LAMB1: variants seen among roughly 807,000 people sequenced by gnomAD.
The protein encoded by LAMB1 is laminin subunit beta 1.
A neutral mutation model predicts 222.3 loss-of-function variants in LAMB1; 121 were observed. That is an observed-to-expected ratio of 0.54 (90% CI 0.47 to 0.63). The LOEUF is 0.63. Among genes scored for constraint, LAMB1 ranks in the 30% least tolerant of loss-of-function variants. LAMB1 has a pLI of 0.00. For synonymous variants in LAMB1, 794 were observed against 807.2 expected (o/e 0.98, Z 0.28); for missense variants, 2,172 against 2,240.8 (o/e 0.97, Z 0.62).
intron 7 of LAMB1, among the ~76,000 whole-genome samples, chr7:107,984,298 G>C (rs2034031151): frequency 6.6e-6 from 1 of 152,042 alleles, no homozygotes; most frequent in Non-Finnish European, 1.5e-5. Flanking sequence ...ACCCAGGCTG[G>C]AGTGCAGTGG....
At chr7:107,962,033 A>C (rs1436237759) in intron 15 of LAMB1, among the ~76,000 whole-genome samples, 3 of 152,126 alleles carry the variant, frequency 2.0e-5, no homozygotes, top group Non-Finnish European at 4.4e-5. Context: ...ATCTCCAACC[A>C]TATCTCTCAT....
intron 25 of LAMB1, among the ~76,000 whole-genome samples, chr7:107,937,619 A>G (rs767014630): frequency 2.0e-5 from 3 of 152,162 alleles, no homozygotes; most frequent in Non-Finnish European, 4.4e-5. Flanking sequence ...AGCCCTTACA[A>G]TTGTGAAAAC....
chr7:107,942,628 A>G (rs2033018244), intron 24 of LAMB1: 2 of 152,232 alleles, frequency 1.3e-5, no homozygotes, highest in African/African-American at 4.8e-5. Context: ...ATCTGTAAGA[A>G]GAGGTAATGA....
chr7:107,983,544 G>GC (rs1220632825), intron 7 of LAMB1, among the ~76,000 whole-genome samples: 102 of 141,214 alleles, frequency 7.2e-4, no homozygotes, highest in African/African-American at 2.0e-3. Flanking sequence ...TGACTCCAAA[G>GC]CCCTTTTTTT....
At chr7:107,931,583 AT>A in intron 28 of LAMB1, 83 bp from the exon 29 acceptor site, 1 of 1,294,682 alleles carries the variant, frequency 7.7e-7, no homozygotes, top group South Asian at 1.3e-5. Flanking sequence ...CTCAAAAATG[AT>A]GTTGAAAAAC....
Position 108,001,551 on chromosome 7 carries a change from C to A in LAMB1, c.213+7G>T. On this transcript the variant is annotated splice_region_variant and intron_variant, in intron 3 of 33. Transcript: ENST00000222399. ...GCAGAGCCTCGAACCCCGCTCTCAG[C>A]CCTCACCTGCAAGTGGCTGACGATA... 1 of 1,590,564 alleles carries A rather than the reference C, an allele frequency of 6.3e-7. No individual in the cohort carries two copies.
chr7:107,937,378 A>G, intron 25 of LAMB1, 101 bp from the exon 26 acceptor site: 1 of 854,702 alleles, frequency 1.2e-6, no homozygotes, highest in Non-Finnish European at 1.8e-6. Context: ...CTAATTTCAA[A>G]CCAATTCAGT....
Position 107,959,809 on chromosome 7 carries a change from C to T in LAMB1, c.2340G>A (p.Ser780=), listed in dbSNP as rs760295911. 61 of 1,613,546 alleles carry T rather than the reference C, an allele frequency of 3.8e-5. No homozygotes were observed. The highest frequency in any genetic ancestry group is 4.8e-5 in the Non-Finnish European group (57 of 1,179,826). Residue 780 remains serine (S), a synonymous_variant, in exon 19 of 34, where the codon TCG becomes TCA. Transcript: ENST00000222399. ...GLACECDPQG[S]LSSVCDPNGG... is the part of the protein sequence containing the mutation. The stretch of plus-strand genomic sequence containing the variant: ...CGTTGGGATCACACACGGAACTTAA[C>T]GAACCCTGAGGGTCGCATTCACAAG...
intron 5 of LAMB1, 150 bp downstream of exon 5, chr7:107,994,737 C>T (rs947352657): frequency 1.9e-6 from 1 of 533,996 alleles, no homozygotes; most frequent in South Asian, 3.2e-5. Flanking sequence ...TATTCATGCT[C>T]GTTTTAAAAA....
intron 4 of LAMB1, 44 bp downstream of exon 4, chr7:107,998,313 A>T: frequency 6.2e-7 from 1 of 1,601,008 alleles, no homozygotes; most frequent in East Asian, 2.2e-5. Context: ...CACCCAAGTT[A>T]TCAATCACAC....
In LAMB1 at chr7:108,002,832, C is replaced by G. The variant is rs761464380; in HGVS notation, c.37+17G>C. 6.2e-6 allele frequency: 10 copies of G among 1,614,110 alleles called. No homozygotes were observed. Among genetic ancestry groups the G allele is most frequent in the Non-Finnish European group, 5.9e-6 (7 of 1,179,990 alleles). On this transcript the variant is annotated intron_variant, in intron 2 of 33. Coordinates refer to ENST00000222399, the MANE Select transcript of LAMB1 (RefSeq NM_002291.3). The stretch of plus-strand genomic sequence containing the variant: ...CCCAAGTCCGTCCGCCTCCCCGCAC[C>G]GTTTCCACGGAATTACCTAAGAAAC...
At position 107,959,298 on chromosome 7, in the gene LAMB1, C is replaced by T; in HGVS notation, c.2641G>A (p.Gly881Arg). The T allele has an allele frequency of 6.2e-7, 1 of 1,614,246 alleles. No individual in the cohort carries two copies. Among genetic ancestry groups the T allele is most frequent in the Non-Finnish European group, 8.5e-7 (1 of 1,180,046 alleles). Residue 881 changes from glycine (G) to arginine (R), a missense_variant, in exon 20 of 34, where the codon GGG becomes AGG. Coordinates refer to ENST00000222399, the MANE Select transcript of LAMB1 (RefSeq NM_002291.3). Reference sequence around the variant, plus strand: ...TAGTCCTGGCAGTTCAAGCACTCCCCAGTCACTGGGTCGCAGTCATCGGCG... The same window carrying T: ...TAGTCCTGGCAGTTCAAGCACTCCCTAGTCACTGGGTCGCAGTCATCGGCG... ...GHADDCDPVT[G>R]ECLNCQDYTM... is the part of the protein sequence containing the mutation.
intron 13 of LAMB1, among the ~76,000 whole-genome samples, chr7:107,971,768 C>T (rs1356251984): frequency 1.3e-5 from 2 of 152,082 alleles, no homozygotes; most frequent in Non-Finnish European, 2.9e-5. Context: ...TGGGTGGAGA[C>T]AGACAGGAAG....
rs2034417808 is a variant in LAMB1 at position 108,002,887 on chromosome 7, C to A, written c.-2G>T. On this transcript the variant is annotated 5_prime_UTR_variant, in exon 2 of 34. Transcript: ENST00000222399. ...AGCTAGCAACTGGAGAAGCCCCATG[C>A]CGGCTCCCTGCAGCCACGGGGACGC... is the stretch of plus-strand genomic sequence containing the variant. 1 of 1,614,020 alleles carries A rather than the reference C, an allele frequency of 6.2e-7. No individual in the cohort carries two copies. Among genetic ancestry groups the A allele is most frequent in the Non-Finnish European group, 8.5e-7 (1 of 1,180,016 alleles).
intron 16 of LAMB1, 86 bp from the exon 17 acceptor site, chr7:107,961,415 C>T (rs1052934057): frequency 1.7e-5 from 27 of 1,579,194 alleles, no homozygotes; most frequent in African/African-American, 6.8e-5. Context: ...AGCTCTGCAT[C>T]GATAATTCCA....
intron 13 of LAMB1, among the ~76,000 whole-genome samples, chr7:107,964,932 G>T (rs146016566): frequency 6.6e-6 from 1 of 152,134 alleles, no homozygotes; most frequent in Non-Finnish European, 1.5e-5. Flanking sequence ...CTAACACGCC[G>T]TCCGCATCAC....
At chr7:107,985,945 G>T in intron 7 of LAMB1, 77 bp downstream of exon 7, 1 of 1,141,880 alleles carries the variant, frequency 8.8e-7, no homozygotes, top group Non-Finnish European at 1.3e-6. Flanking sequence ...CAACAAGAGC[G>T]GAACTCTGTC....
At chr7:107,996,844 C>T (rs546963637) in intron 4 of LAMB1, among the ~76,000 whole-genome samples, 3 of 152,200 alleles carry the variant, frequency 2.0e-5, no homozygotes, top group South Asian at 2.1e-4. Context: ...CTTCTTCAAA[C>T]GGTCTTTCAC....
intron 29 of LAMB1, among the ~76,000 whole-genome samples, chr7:107,930,255 T>C (rs1232730138): frequency 6.6e-6 from 1 of 152,214 alleles, no homozygotes; most frequent in Non-Finnish European, 1.5e-5. Flanking sequence ...AAAAAAAGTT[T>C]ATGAAGTTAA....
Sources: allele counts gnomAD v4.1 joint callset (sites outside exome capture counted in the v4.1 genomes callset), GRCh38; gene constraint gnomAD v4.1.1; transcripts MANE v1.5; gene names NCBI Gene and HGNC (gene_info 2026-07-23, HGNC 2026-07-21).